The following PSD3 variants were observed in gnomAD, a reference collection of about 807,000 sequenced individuals.
The protein encoded by PSD3 is pleckstrin and Sec7 domain containing 3.
PSD3 carries 49 observed loss-of-function variants against 105.5 expected under a neutral mutation model. The ratio of observed to expected loss-of-function variants is 0.46; its 90% CI spans 0.37 to 0.59. The LOEUF is 0.59. PSD3 is among the 20% of genes least tolerant of loss of function. The probability of loss-of-function intolerance (pLI) is 0.00; values close to 1 mark genes in which losing one functional copy is unlikely to be tolerated. For missense variants in PSD3, 1,561 were observed against 1,263.8 expected, an observed-to-expected ratio of 1.24 and a Z score of -3.57; for synonymous variants, 557 against 457.8, an observed-to-expected ratio of 1.22 and a Z score of -2.77.
chr8:18,686,434 A>G (rs1359069538), intron 9 of PSD3, among the ~76,000 whole-genome samples: 1 of 152,122 alleles, frequency 6.6e-6, no homozygotes, highest in African/African-American at 2.4e-5. Context: ...ACCTGCCATG[A>G]GCTTTTCTGC....
At chr8:18,694,530 A>G (rs1346584764) in intron 9 of PSD3, among the ~76,000 whole-genome samples, 1 of 152,014 alleles carries the variant, frequency 6.6e-6, no homozygotes, top group Admixed American at 6.6e-5. Context: ...GAATGGCGTG[A>G]ACCCGGGAGG....
intron 9 of PSD3, among the ~76,000 whole-genome samples, chr8:18,711,617 A>G (rs565335426): frequency 6.6e-6 from 1 of 152,352 alleles, no homozygotes; most frequent in South Asian, 2.1e-4. Flanking sequence ...AGGAGCATCC[A>G]GATTCATAAA....
chr8:18,902,770 T>C (rs982956059), intron 2 of PSD3, among the ~76,000 whole-genome samples: 1 of 152,220 alleles, frequency 6.6e-6, no homozygotes, highest in Non-Finnish European at 1.5e-5. Context: ...ACTCTTCATC[T>C]GCATTCAATG....
At chr8:18,778,236 TG>T in intron 8 of PSD3, among the ~76,000 whole-genome samples, 1 of 152,158 alleles carries the variant, frequency 6.6e-6, no homozygotes, top group Non-Finnish European at 1.5e-5. Context: ...CTGTTATAAA[TG>T]GGATTACTTT....
chr8:18,612,433 C>T (rs34157693), intron 11 of PSD3, among the ~76,000 whole-genome samples: 33,436 of 151,596 alleles, frequency 0.22, 3,949 homozygotes, highest in Middle Eastern at 0.38. Context: ...AGAGCAGCGG[C>T]GTGATCTCGG....
intron 9 of PSD3, among the ~76,000 whole-genome samples, chr8:18,695,478 A>G (rs571068492): frequency 1.8e-4 from 28 of 152,370 alleles, no homozygotes; most frequent in Non-Finnish European, 4.1e-4. Context: ...AGGATTCCAT[A>G]GAACTGTGGA....
intron 9 of PSD3, among the ~76,000 whole-genome samples, chr8:18,732,294 G>T (rs1267431604): frequency 6.6e-6 from 1 of 152,180 alleles, no homozygotes; most frequent in Non-Finnish European, 1.5e-5. Flanking sequence ...GAACTATCTG[G>T]ACACACCGTA....
intron 8 of PSD3, among the ~76,000 whole-genome samples, chr8:18,792,326 C>G (rs1809799281): frequency 6.6e-6 from 1 of 152,266 alleles, no homozygotes; most frequent in Non-Finnish European, 1.5e-5. Flanking sequence ...AAATGCTCAT[C>G]AAGGGCTGGA....
At chr8:19,073,757 G>A (rs1028615400) in intron 1 of PSD3, among the ~76,000 whole-genome samples, 3 of 151,332 alleles carry the variant, frequency 2.0e-5, no homozygotes, top group Non-Finnish European at 4.4e-5. Flanking sequence ...CACCTGCTCT[G>A]ATTTGCTATT....
intron 1 of PSD3, chr8:18,940,353 C>T (rs1822452529): frequency 6.6e-6 from 1 of 152,240 alleles, no homozygotes; most frequent in Non-Finnish European, 1.5e-5. Flanking sequence ...CCTAAAAGTT[C>T]CCTGGTGACC....
chr8:18,595,739 C>G (rs1486810506), intron 12 of PSD3, among the ~76,000 whole-genome samples: 1 of 152,024 alleles, frequency 6.6e-6, no homozygotes, highest in East Asian at 1.9e-4. Context: ...ACATATGCAT[C>G]TATCATCAAG....
intron 14 of PSD3, among the ~76,000 whole-genome samples, chr8:18,569,351 C>T (rs1410618047): frequency 6.9e-6 from 1 of 143,906 alleles, no homozygotes; most frequent in Non-Finnish European, 1.5e-5. Context: ...TATTTCTCCA[C>T]ATCCTCTCCA....
At chr8:18,638,983 A>G (rs1807458778) in intron 10 of PSD3, among the ~76,000 whole-genome samples, 1 of 152,222 alleles carries the variant, frequency 6.6e-6, no homozygotes, top group African/African-American at 2.4e-5. Context: ...GTGCCATGGC[A>G]TTGACCACTG....
intron 8 of PSD3, among the ~76,000 whole-genome samples, chr8:18,793,218 T>A (rs1389954750): frequency 6.6e-6 from 1 of 152,044 alleles, no homozygotes. Flanking sequence ...ATATACCTAA[T>A]GTAAATGACA....
chr8:18,892,503 G>A (rs933917266), intron 2 of PSD3, among the ~76,000 whole-genome samples: 7 of 151,758 alleles, frequency 4.6e-5, no homozygotes, highest in African/African-American at 7.3e-5. Flanking sequence ...GATTACAGGC[G>A]TGAGCCACCG....
intron 2 of PSD3, among the ~76,000 whole-genome samples, chr8:18,903,267 C>T (rs1586375419): frequency 6.6e-6 from 1 of 152,090 alleles, no homozygotes; most frequent in East Asian, 1.9e-4. Context: ...GGAACTTGAC[C>T]CGAACGGCAA....
At chr8:18,669,591 C>A (rs1671667175) in intron 9 of PSD3, among the ~76,000 whole-genome samples, 1 of 152,138 alleles carries the variant, frequency 6.6e-6, no homozygotes, top group Non-Finnish European at 1.5e-5. Flanking sequence ...AGGCACTGGA[C>A]AAAGGAAGGA....
chr8:18,922,171 C>T (rs919797514), intron 2 of PSD3, among the ~76,000 whole-genome samples: 1 of 152,154 alleles, frequency 6.6e-6, no homozygotes, highest in Non-Finnish European at 1.5e-5. Context: ...TCAGTTCATA[C>T]ACCTGACAAT....
chr8:18,868,777 C>A (rs1421845571), intron 3 of PSD3, among the ~76,000 whole-genome samples: 1 of 152,096 alleles, frequency 6.6e-6, no homozygotes, highest in African/African-American at 2.4e-5. Flanking sequence ...ATATTAAAAA[C>A]GAACATTAGG....
Sources: gnomAD v4.1 joint callset for allele counts (sites outside exome capture counted in the v4.1 genomes callset) on GRCh38, gnomAD v4.1.1 for gene constraint, MANE v1.5 for transcripts, NCBI Gene and HGNC (gene_info 2026-07-23, HGNC 2026-07-21) for gene names.